RREB1: variants seen among roughly 807,000 people sequenced by gnomAD.
RREB1 encodes ras responsive element binding protein 1.
Under a neutral mutation model 117.8 loss-of-function variants are expected in RREB1, and 27 were observed. That is an observed-to-expected ratio of 0.23 (90% CI 0.17 to 0.32). The LOEUF (loss-of-function observed/expected upper bound fraction) is 0.32, where lower values mean the gene tolerates loss of function less well. RREB1 is among the 10% of genes least tolerant of loss of function. The pLI is 1.00. For synonymous variants in RREB1, 1,298 were observed against 1,026.7 expected (o/e 1.26, Z -5.05); for missense variants, 2,577 against 2,378.2 (o/e 1.08, Z -1.74).
intron 10 of RREB1, 96 bp downstream of exon 10, chr6:7,232,003 C>G: frequency 1.6e-6 from 2 of 1,274,492 alleles, no homozygotes; most frequent in South Asian, 2.9e-5. Context: ...TCCCACAGTT[C>G]CAGTTATTCC....
chr6:7,199,700 G>C (rs1182042335), intron 6 of RREB1, among the ~76,000 whole-genome samples: 1 of 151,848 alleles, frequency 6.6e-6, no homozygotes, highest in African/African-American at 2.4e-5. Flanking sequence ...GTCTCACTCT[G>C]TCTCCCAGGG....
intron 1 of RREB1, among the ~76,000 whole-genome samples, chr6:7,135,148 T>A (rs1762298554): frequency 6.6e-6 from 1 of 152,228 alleles, no homozygotes; most frequent in Non-Finnish European, 1.5e-5. Flanking sequence ...CAACCTTGAT[T>A]ATGATTAAAA....
chr6:7,150,748 G>C (rs947923075), intron 1 of RREB1, among the ~76,000 whole-genome samples: 2 of 152,258 alleles, frequency 1.3e-5, no homozygotes, highest in African/African-American at 2.4e-5. Flanking sequence ...TGGCACAGAG[G>C]GGGCTTGCAG....
intron 10 of RREB1, among the ~76,000 whole-genome samples, chr6:7,234,371 C>T (rs1356958210): frequency 1.3e-5 from 2 of 152,136 alleles, no homozygotes; most frequent in African/African-American, 4.8e-5. Flanking sequence ...GGTGCTCCCA[C>T]CTCCCCCTGC....
chr6:7,142,411 C>T (rs1762646987), intron 1 of RREB1, among the ~76,000 whole-genome samples: 1 of 152,198 alleles, frequency 6.6e-6, no homozygotes, highest in Non-Finnish European at 1.5e-5. Context: ...CTCCCGCCTG[C>T]CCTCGGTGTC....
chr6:7,218,941 T>C (rs566338831), intron 8 of RREB1: 1 of 151,454 alleles, frequency 6.6e-6, no homozygotes, highest in Non-Finnish European at 1.5e-5. Context: ...CAGACAGCCA[T>C]TAATTCAATG....
At position 7,108,316 on chromosome 6, in the gene RREB1, T is replaced by TTCCTCCTCCTCC. The variant is rs143321297; in HGVS notation, c.-285+269_-285+280dup. ...TCCCCTCGGGCTGCGCGCCGGGCCA[T>TTCCTCCTCCTCC]TCCTCCTCCTCCTCCTCCTCCTCCC... is the stretch of plus-strand genomic sequence containing the variant. On this transcript the variant is annotated intron_variant, in intron 1 of 12. Coordinates refer to ENST00000379938, the MANE Select transcript of RREB1 (RefSeq NM_001003699.4). Among the ~76,000 whole-genome samples the TTCCTCCTCCTCC allele has an allele frequency of 6.5e-3, 963 of 148,156 alleles. 8 individuals are homozygous for TTCCTCCTCCTCC. Among genetic ancestry groups the TTCCTCCTCCTCC allele is most frequent in the Admixed American group, 8.7e-3 (130 of 14,986 alleles).
intron 6 of RREB1, among the ~76,000 whole-genome samples, chr6:7,195,787 C>T (rs568098774): frequency 6.6e-6 from 1 of 152,312 alleles, no homozygotes; most frequent in East Asian, 1.9e-4. Context: ...AGGACACCCA[C>T]ACCCAGGTGC....
At chr6:7,131,819 G>C (rs1339744191) in intron 1 of RREB1, among the ~76,000 whole-genome samples, 2 of 152,040 alleles carry the variant, frequency 1.3e-5, no homozygotes, top group African/African-American at 4.8e-5. Flanking sequence ...TTTAAATGGG[G>C]GAAGAAAGGG....
intron 1 of RREB1, among the ~76,000 whole-genome samples, chr6:7,120,336 C>T (rs1234737767): frequency 1.3e-5 from 2 of 151,986 alleles, no homozygotes; most frequent in East Asian, 1.9e-4. Flanking sequence ...CACCTGTAGT[C>T]CCAGATACTC....
chr6:7,177,648 C>T (rs1764571106), intron 2 of RREB1, among the ~76,000 whole-genome samples: 1 of 152,158 alleles, frequency 6.6e-6, no homozygotes, highest in South Asian at 2.1e-4. Context: ...GATCCTCCCA[C>T]TCAGCCTCCC....
In RREB1 at chr6:7,230,512, T is replaced by C; in HGVS notation, c.2413T>C (p.Cys805Arg). The C allele has an allele frequency of 6.3e-7, 1 of 1,594,456 alleles. No individual in the cohort carries two copies. The highest frequency in any genetic ancestry group is 8.5e-7 in the Non-Finnish European group (1 of 1,176,408). The change falls in exon 10 of 13, where the codon TGC (cysteine) becomes CGC (arginine). Residue 805 changes from cysteine (C) to arginine (R), a missense_variant. Transcript: ENST00000379938. ...CGCCGCGTTCGCGGCCAAGCGCAAC[T>C]GCATCCACCACATCCTCAAGCAGCA... ...CSAAFAAKRN[C>R]IHHILKQHLH...
In RREB1 at chr6:7,156,970, G is replaced by A. The variant is rs541771401; in HGVS notation, c.-284-19685G>A. On this transcript the variant is annotated intron_variant, in intron 1 of 12. Coordinates refer to ENST00000379938, the MANE Select transcript of RREB1 (RefSeq NM_001003699.4). Reference sequence around the variant, plus strand: ...AAGAGCTGCCCCTCTGTTCAGCTTCGTCGTCCCTGGCTGTTGGGGAGGACT... The same window carrying A: ...AAGAGCTGCCCCTCTGTTCAGCTTCATCGTCCCTGGCTGTTGGGGAGGACT... Among the ~76,000 whole-genome samples, 8 of 152,228 alleles carry A rather than the reference G, an allele frequency of 5.3e-5. No homozygotes were observed. The South Asian group carries it at 8.3e-4, about 16-fold the overall frequency.
At position 7,196,170 on chromosome 6, in the gene RREB1, A is replaced by C. The variant is rs370356754; in HGVS notation, c.425+6848A>C. 3.6e-4 allele frequency among the ~76,000 whole-genome samples: 54 copies of C among 149,308 alleles called. No homozygotes were observed. The South Asian group carries it at 9.7e-3, about 27-fold the overall frequency. ...CCCTCCGGTGTTGCCTGCTTGAGGCAGATCTGGGCTCCACCCCAAAGTTCG... is the reference window on the plus strand; with the variant it reads ...CCCTCCGGTGTTGCCTGCTTGAGGCCGATCTGGGCTCCACCCCAAAGTTCG... On this transcript the variant is annotated intron_variant, in intron 6 of 12. Transcript: ENST00000379938.
chr6:7,135,008 A>G (rs922124218), intron 1 of RREB1, among the ~76,000 whole-genome samples: 2 of 152,220 alleles, frequency 1.3e-5, no homozygotes, highest in Non-Finnish European at 2.9e-5. Flanking sequence ...GCAATCAGCC[A>G]GATTGTAAGA....
chr6:7,212,788 T>A (rs955409583), intron 8 of RREB1: 1 of 152,128 alleles, frequency 6.6e-6, no homozygotes, highest in Non-Finnish European at 1.5e-5. Context: ...AATGGGAAAG[T>A]CTGAGCAAGC....
chr6:7,119,651 A>G (rs932814398), intron 1 of RREB1, among the ~76,000 whole-genome samples: 7 of 152,230 alleles, frequency 4.6e-5, no homozygotes, highest in Non-Finnish European at 2.9e-5. Context: ...CCAGTGAATT[A>G]CAGGGATGGT....
At chr6:7,178,828 C>T (rs1350361710) in intron 2 of RREB1, among the ~76,000 whole-genome samples, 5 of 152,084 alleles carry the variant, frequency 3.3e-5, no homozygotes, top group Non-Finnish European at 7.4e-5. Context: ...GGTAGTGTCA[C>T]ACTTTATACT....
chr6:7,171,455 A>G (rs1291838757), intron 1 of RREB1, among the ~76,000 whole-genome samples: 1 of 152,308 alleles, frequency 6.6e-6, no homozygotes, highest in African/African-American at 2.4e-5. Context: ...CTCTCCAGCC[A>G]TGGGCCAGGA....
Sources: allele counts gnomAD v4.1 joint callset (sites outside exome capture counted in the v4.1 genomes callset), GRCh38; gene constraint gnomAD v4.1.1; transcripts MANE v1.5; gene names NCBI Gene and HGNC (gene_info 2026-07-23, HGNC 2026-07-21).